Variants in AARS1 observed in about 807,000 individuals in gnomAD.
The protein encoded by AARS1 is alanine--tRNA ligase, cytoplasmic.
AARS1 carries 72 observed loss-of-function variants against 108.9 expected under a neutral mutation model. The observed-to-expected ratio is 0.66, with a 90% CI of 0.55 to 0.80. The LOEUF (loss-of-function observed/expected upper bound fraction) is 0.80. AARS1 is among the 30% of genes least tolerant of loss of function. The pLI is 0.00. For missense variants in AARS1, 1,193 were observed against 1,233.2 expected (o/e 0.97, Z 0.49); for synonymous variants, 489 against 465.7 (o/e 1.05, Z -0.64).
intron 4 of AARS1, 71 bp downstream of exon 4, chr16:70,276,415 A>C: frequency 1.3e-6 from 2 of 1,559,248 alleles, no homozygotes; most frequent in Non-Finnish European, 1.8e-6. Context: ...ATTCCAGGTC[A>C]TAAAACCCCA....
At chr16:70,264,829 G>A (rs1018090971) in intron 11 of AARS1, 129 bp downstream of exon 11, 13 of 1,148,484 alleles carry the variant, frequency 1.1e-5, no homozygotes, top group African/African-American at 4.6e-5. Flanking sequence ...AGTGCATAGC[G>A]TGACTGTACG....
chr16:70,269,051 C>T (rs966971018), intron 7 of AARS1, among the ~76,000 whole-genome samples: 4 of 151,632 alleles, frequency 2.6e-5, no homozygotes, highest in East Asian at 1.9e-4. Flanking sequence ...TGGCCGGGCA[C>T]GGTGGCTCAC....
intron 17 of AARS1, chr16:70,254,327 C>G (rs991474533): frequency 1.7e-5 from 10 of 584,188 alleles, no homozygotes; most frequent in African/African-American, 1.5e-4. Flanking sequence ...AAATACCAGG[C>G]AGGCTTGGAA....
intron 1 of AARS1, among the ~76,000 whole-genome samples, chr16:70,289,023 G>C (rs893339869): frequency 1.1e-4 from 17 of 152,114 alleles, no homozygotes. Context: ...AACAGCTTAA[G>C]ATGACGGTCT....
At chr16:70,260,670 A>AC (rs1555540237) in intron 13 of AARS1, among the ~76,000 whole-genome samples, 3 of 149,822 alleles carry the variant, frequency 2.0e-5, no homozygotes, top group African/African-American at 7.3e-5. Flanking sequence ...TGACAGGACA[A>AC]TTTTTTTTTT....
chr16:70,257,955 G>T, intron 15 of AARS1, 78 bp downstream of exon 15: 1 of 1,520,352 alleles, frequency 6.6e-7, no homozygotes, highest in Non-Finnish European at 9.1e-7. Context: ...ACAGACAAGA[G>T]TTGGTCCAGC....
chr16:70,252,762 T>C lies in AARS1; in HGVS notation c.2866A>G (p.Thr956Ala). ...CCGAGGCGCAGCTGGGCGAAGGAAG[T>C]GGCCAGCTGCAGCGCCTCCTGCAGG... ...GCLQEALQLATSFAQLRLGDV... is the reference protein window; with the variant it reads ...GCLQEALQLAASFAQLRLGDV... Residue 956 changes from threonine (T) to alanine (A), a missense_variant, in exon 21 of 21, where the codon ACT becomes GCT. Coordinates refer to ENST00000261772, the MANE Select transcript of AARS1 (RefSeq NM_001605.3). 1 of 1,614,196 alleles carries C rather than the reference T, an allele frequency of 6.2e-7. No individual in the cohort carries two copies. The highest frequency in any genetic ancestry group is 8.5e-7 in the Non-Finnish European group (1 of 1,180,038).
At chr16:70,286,131 T>C (rs1295700615) in intron 1 of AARS1, among the ~76,000 whole-genome samples, 2 of 152,194 alleles carry the variant, frequency 1.3e-5, no homozygotes, top group Non-Finnish European at 2.9e-5. Context: ...TTAAAAGCTG[T>C]ATCCCCACAT....
In AARS1 at chr16:70,253,979, T is replaced by A. The variant is rs759906749; in HGVS notation, c.2460A>T (p.Lys820Asn). 5.6e-6 allele frequency: 9 copies of A among 1,614,142 alleles called. No homozygotes were observed. The Admixed American group carries it at 1.3e-4, about 24-fold the overall frequency. ...AGTCATCCATGACCTTCTTTAGGGA[T>A]TTGAGAGTCTCCCGCAATTCATCCT... ...WQKDELRETL[K>N]SLKKVMDDLD... The change falls in exon 18 of 21, where the codon AAA becomes AAT. Residue 820 changes from lysine (K) to asparagine (N), a missense_variant. Physicochemically the swap from Lys to Asn is moderately conservative, Grantham distance 94. Coordinates refer to ENST00000261772, the MANE Select transcript of AARS1 (RefSeq NM_001605.3).
intron 5 of AARS1, among the ~76,000 whole-genome samples, chr16:70,271,281 C>T (rs970371955): frequency 6.6e-6 from 1 of 152,086 alleles, no homozygotes; most frequent in Admixed American, 6.6e-5. Flanking sequence ...ATAATCCCAG[C>T]ACTTTGGGAG....
intron 2 of AARS1, 139 bp from the exon 3 acceptor site, chr16:70,277,293 C>G: frequency 1.0e-6 from 1 of 991,520 alleles, no homozygotes; most frequent in Non-Finnish European, 1.6e-6. Context: ...CTTGTCAGAA[C>G]AGGTGGCCTG....
chr16:70,276,270 T>C (rs1416336700), intron 4 of AARS1: 2 of 504,128 alleles, frequency 4.0e-6, no homozygotes, highest in African/African-American at 3.9e-5. Context: ...ATAATTACTC[T>C]GTCGCCCAGG....
intron 1 of AARS1, among the ~76,000 whole-genome samples, chr16:70,285,098 G>C (rs8062865): frequency 6.6e-6 from 1 of 152,004 alleles, no homozygotes; most frequent in African/African-American, 2.4e-5. Flanking sequence ...GAATGATGGC[G>C]AGTGCCTGTA....
In AARS1 at chr16:70,271,954, G is replaced by A. The variant is rs999924082; in HGVS notation, c.498C>T (p.Ile166=). ...WQNLGLDDTK[I]LPGNMKDNFW... ...AGTTATCCTTCATGTTGCCTGGGAGGATTTTGGTGTCATCCAGCCTGACAA... is the reference window on the plus strand; with the variant it reads ...AGTTATCCTTCATGTTGCCTGGGAGAATTTTGGTGTCATCCAGCCTGACAA... The change falls in exon 5 of 21, where the codon ATC becomes ATT. Residue 166 remains isoleucine (I), a synonymous_variant. Transcript: ENST00000261772. 3.1e-6 allele frequency: 5 copies of A among 1,613,918 alleles called. No individual in the cohort carries two copies. Among genetic ancestry groups the A allele is most frequent in the Non-Finnish European group, 4.2e-6 (5 of 1,180,008 alleles).
intron 4 of AARS1, among the ~76,000 whole-genome samples, chr16:70,275,906 C>T (rs1427002299): frequency 8.4e-6 from 1 of 119,610 alleles, no homozygotes; most frequent in Non-Finnish European, 1.6e-5. Context: ...CACTGCACTC[C>T]AGTCTGGGAG....
At position 70,280,594 on chromosome 16, in the gene AARS1, C is replaced by T. The variant is rs1274715949; in HGVS notation, c.144+2026G>A. 3.3e-5 allele frequency among the ~76,000 whole-genome samples: 5 copies of T among 152,040 alleles called. No individual in the cohort carries two copies. In the East Asian group the frequency reaches 7.7e-4, roughly 23 times the overall value. On this transcript the variant is annotated intron_variant, in intron 2 of 20. Transcript: ENST00000261772. Reference sequence around the variant, plus strand: ...CAACTCATCCCAGAGTGAGAAGCATCCTAAGGGCTGCAGATGCCCCGGGGG... The same window carrying T: ...CAACTCATCCCAGAGTGAGAAGCATTCTAAGGGCTGCAGATGCCCCGGGGG...
At position 70,252,777 on chromosome 16, in the gene AARS1, C is replaced by T; in HGVS notation, c.2851G>A (p.Ala951Thr). ...TGKNVGCLQE[A>T]LQLATSFAQL... ...GCGAAGGAAGTGGCCAGCTGCAGCGCCTCCTGCAGGCAGCCAACGTTCTTG... is the reference window on the plus strand; with the variant it reads ...GCGAAGGAAGTGGCCAGCTGCAGCGTCTCCTGCAGGCAGCCAACGTTCTTG... The change falls in exon 21 of 21, where the codon GCG (alanine) becomes ACG (threonine). Residue 951 changes from alanine to threonine, a missense_variant. Ala to Thr is a moderately conservative substitution (Grantham distance 58). Coordinates refer to ENST00000261772, the MANE Select transcript of AARS1 (RefSeq NM_001605.3). The T allele has an allele frequency of 6.2e-7, 1 of 1,614,230 alleles. No homozygotes were observed. The highest frequency in any genetic ancestry group is 8.5e-7 in the Non-Finnish European group (1 of 1,180,040).
In AARS1 at chr16:70,277,120, G is replaced by C; in HGVS notation, c.179C>G (p.Ser60Cys). 2 of 1,614,164 alleles carry C rather than the reference G, an allele frequency of 1.2e-6. No individual in the cohort carries two copies. Among genetic ancestry groups the C allele is most frequent in the Non-Finnish European group, 1.7e-6 (2 of 1,180,036 alleles). The change falls in exon 3 of 21, where the codon TCT becomes TGT. Residue 60 changes from serine (S) to cysteine (C), a missense_variant. Ser to Cys is a moderately radical substitution (Grantham distance 112). Transcript: ENST00000261772. ...KPIFLNTIDPSHPMAKLSRAA... is the reference protein window; with the variant it reads ...KPIFLNTIDPCHPMAKLSRAA... ...TCTGCTCAGCTTTGCCATGGGGTGA[G>C]ATGGGTCAATTGTGTTCAGGAAAAT...
intron 11 of AARS1, among the ~76,000 whole-genome samples, chr16:70,263,703 T>C (rs1036986042): frequency 6.6e-6 from 1 of 152,042 alleles, no homozygotes; most frequent in Non-Finnish European, 1.5e-5. Flanking sequence ...GGCACAAATA[T>C]GGCTGACTGC....
Sources: allele counts gnomAD v4.1 joint callset (sites outside exome capture counted in the v4.1 genomes callset), GRCh38; gene constraint gnomAD v4.1.1; transcripts MANE v1.5; gene names NCBI Gene and HGNC (gene_info 2026-07-23, HGNC 2026-07-21).